Variants in GAREM1 observed in about 807,000 individuals in gnomAD.
GAREM1 encodes GRB2-associated and regulator of MAPK protein 1.
In GAREM1, 26 loss-of-function variants were observed where a neutral mutation model predicts 71.3. That is an observed-to-expected ratio of 0.36 (90% confidence interval 0.27 to 0.51). GAREM1 has a LOEUF of 0.51. Among genes scored for constraint, GAREM1 ranks in the 20% least tolerant of loss-of-function variants. The pLI, the probability that GAREM1 is intolerant of heterozygous loss-of-function variation, is 0.95. For missense variants in GAREM1, 1,026 were observed against 1,103.1 expected (o/e 0.93, Z 0.99); for synonymous variants, 440 against 433.2 (o/e 1.02, Z -0.20).
intron 1 of GAREM1, among the ~76,000 whole-genome samples, chr18:32,414,630 T>C (rs1035977738): frequency 6.6e-6 from 1 of 151,790 alleles, no homozygotes; most frequent in African/African-American, 2.4e-5. Context: ...AATGGGTCAA[T>C]GAAGAAATTA....
chr18:32,299,513 C>CAA (rs57549959), intron 3 of GAREM1, among the ~76,000 whole-genome samples: 3,384 of 67,978 alleles, frequency 0.05, 186 homozygotes, highest in East Asian at 0.14. Flanking sequence ...GACCCCATCT[C>CAA]AAAAAAAAAA....
intron 2 of GAREM1, among the ~76,000 whole-genome samples, chr18:32,362,921 C>T (rs942795698): frequency 6.6e-6 from 1 of 152,224 alleles, no homozygotes; most frequent in South Asian, 2.1e-4. Context: ...CTAGCAAAGG[C>T]TGCTCTTCCA....
intron 1 of GAREM1, among the ~76,000 whole-genome samples, chr18:32,440,651 C>A (rs2048726509): frequency 6.6e-6 from 1 of 152,118 alleles, no homozygotes; most frequent in Non-Finnish European, 1.5e-5. Context: ...TGTGATGTAT[C>A]CTCATTGCCT....
Position 32,264,852 on chromosome 18 carries a change from T to G in GAREM1, c.*3019A>C, listed in dbSNP as rs137903220. On this transcript the variant is annotated 3_prime_UTR_variant, in exon 6 of 6. Transcript: ENST00000269209. ...TGATTTTCTTTTCTGATGGGGGCCA[T>G]GATGATTTTTGCCATGAATCTAAGG... The G allele has an allele frequency of 1.2e-4, 18 of 152,352 alleles. No individual in the cohort carries two copies. Among genetic ancestry groups the G allele is most frequent in the African/African-American group, 4.1e-4 (17 of 41,578 alleles). 9.4% of individuals were successfully genotyped at this position (152,352 alleles called of 1,614,324 possible).
chr18:32,429,956 A>C (rs781553664), intron 1 of GAREM1, among the ~76,000 whole-genome samples: 16 of 152,216 alleles, frequency 1.1e-4, no homozygotes, highest in Non-Finnish European at 2.2e-4. Context: ...AAATACTAGA[A>C]ATCATGGCTT....
intron 2 of GAREM1, among the ~76,000 whole-genome samples, chr18:32,354,861 T>C (rs927286378): frequency 2.6e-5 from 4 of 152,166 alleles, no homozygotes; most frequent in Admixed American, 2.0e-4. Context: ...GTGACGGTAT[T>C]TGCCTGATGG....
chr18:32,364,338 G>T (rs996796349), intron 2 of GAREM1, among the ~76,000 whole-genome samples: 1 of 151,522 alleles, frequency 6.6e-6, no homozygotes, highest in Non-Finnish European at 1.5e-5. Flanking sequence ...CCCGGCCAAG[G>T]TTATAATTTT....
intron 2 of GAREM1, among the ~76,000 whole-genome samples, chr18:32,383,837 T>C (rs992310001): frequency 5.9e-5 from 9 of 152,134 alleles, no homozygotes; most frequent in East Asian, 1.9e-4. Flanking sequence ...TTTAATACTA[T>C]ACTTTCTGTT....
chr18:32,378,429 G>T (rs964364843), intron 2 of GAREM1, among the ~76,000 whole-genome samples: 2 of 151,760 alleles, frequency 1.3e-5, no homozygotes, highest in African/African-American at 4.8e-5. Context: ...GAACCTGGGA[G>T]GGGGAGGTTG....
intron 1 of GAREM1, among the ~76,000 whole-genome samples, chr18:32,421,443 G>T (rs1446405452): frequency 6.6e-6 from 1 of 152,060 alleles, no homozygotes; most frequent in Non-Finnish European, 1.5e-5. Context: ...TCCCATTCTG[G>T]TGCTATGAGA....
At chr18:32,313,217 G>A (rs1220572364) in intron 2 of GAREM1, among the ~76,000 whole-genome samples, 1 of 152,122 alleles carries the variant, frequency 6.6e-6, no homozygotes, top group Non-Finnish European at 1.5e-5. Context: ...GAGCAATTAT[G>A]CCACCTGAAC....
chr18:32,398,633 TG>T (rs1468080201), intron 1 of GAREM1, among the ~76,000 whole-genome samples: 1 of 152,138 alleles, frequency 6.6e-6, no homozygotes, highest in Non-Finnish European at 1.5e-5. Flanking sequence ...GTTGAATCCC[TG>T]AATAGACCAA....
rs142257299 is a variant in GAREM1, at chr18:32,365,170, G to T, written c.262+27725C>A. ...TGTCTTTACTCCTAGGCTTCACAAA[G>T]AACACTGGTTCAGAACAATAATTTA... On this transcript the variant is annotated intron_variant, in intron 2 of 5. Coordinates refer to ENST00000269209, the MANE Select transcript of GAREM1 (RefSeq NM_001242409.2). Among the ~76,000 whole-genome samples the T allele has an allele frequency of 4.8e-3, 724 of 152,140 alleles. 4 individuals are homozygous for T. The highest frequency in any genetic ancestry group is 0.016 in the African/African-American group (669 of 41,500).
chr18:32,381,403 G>T (rs77262458), intron 2 of GAREM1, among the ~76,000 whole-genome samples: 5,409 of 152,254 alleles, frequency 0.036, 144 homozygotes, highest in East Asian at 0.11. Context: ...GCAAAAGCAA[G>T]TGCCTGTGCT....
At chr18:32,442,141 T>C (rs2048744474) in intron 1 of GAREM1, among the ~76,000 whole-genome samples, 1 of 152,192 alleles carries the variant, frequency 6.6e-6, no homozygotes, top group Non-Finnish European at 1.5e-5. Flanking sequence ...TTGTTCTACT[T>C]AGCACTGCTA....
intron 1 of GAREM1, among the ~76,000 whole-genome samples, chr18:32,416,182 A>G (rs1256592592): frequency 1.3e-5 from 2 of 152,130 alleles, no homozygotes; most frequent in East Asian, 3.8e-4. Context: ...AAAGATCTCT[A>G]CAATGAAAAC....
intron 2 of GAREM1, among the ~76,000 whole-genome samples, chr18:32,343,206 G>C (rs1462604287): frequency 1.3e-5 from 2 of 151,744 alleles, no homozygotes; most frequent in Non-Finnish European, 2.9e-5. Flanking sequence ...GAAAATGCCA[G>C]AGTTGGCAAA....
chr18:32,323,486 G>A (rs1309718316), intron 2 of GAREM1, among the ~76,000 whole-genome samples: 3 of 152,318 alleles, frequency 2.0e-5, no homozygotes, highest in Middle Eastern at 3.4e-3. Flanking sequence ...AGCACTTTGG[G>A]AGGCCAAGGT....
At chr18:32,367,670 G>A (rs372100127) in intron 2 of GAREM1, among the ~76,000 whole-genome samples, 2 of 152,044 alleles carry the variant, frequency 1.3e-5, no homozygotes, top group Non-Finnish European at 1.5e-5. Flanking sequence ...CTGGCCACTC[G>A]CTTAGGTTTT....
Sources: gnomAD v4.1 joint callset for allele counts (sites outside exome capture counted in the v4.1 genomes callset) on GRCh38, gnomAD v4.1.1 for gene constraint, MANE v1.5 for transcripts, NCBI Gene and HGNC (gene_info 2026-07-23, HGNC 2026-07-21) for gene names.